TRAPPC3: variants seen among roughly 807,000 people sequenced by gnomAD.
TRAPPC3 encodes the protein trafficking protein particle complex 3.
A neutral mutation model predicts 18.2 loss-of-function variants in TRAPPC3; 5 were observed. The ratio of observed to expected loss-of-function variants is 0.28; its 90% confidence interval spans 0.14 to 0.58. The LOEUF (loss-of-function observed/expected upper bound fraction) is 0.58. TRAPPC3 is among the 20% of genes least tolerant of loss of function. TRAPPC3 has a pLI of 0.91. For missense variants in TRAPPC3, 176 were observed against 225.9 expected, an observed-to-expected ratio of 0.78 and a Z score of 1.41; for synonymous variants, 65 against 84.2, an observed-to-expected ratio of 0.77 and a Z score of 1.25.
At chr1:36,155,410 C>T (rs1644309539) in intron 1 of TRAPPC3, among the ~76,000 whole-genome samples, 1 of 152,158 alleles carries the variant, frequency 6.6e-6, no homozygotes, top group African/African-American at 2.4e-5. Flanking sequence ...CATCGACAGA[C>T]CACTGGGAGA....
chr1:36,144,316 G>A (rs1382711968), intron 1 of TRAPPC3, among the ~76,000 whole-genome samples: 3 of 140,002 alleles, frequency 2.1e-5, no homozygotes, highest in Non-Finnish European at 4.6e-5. Flanking sequence ...AAAAGGGAGG[G>A]CAAGTCATAA....
At chr1:36,155,417 G>A (rs1437704629) in intron 1 of TRAPPC3, among the ~76,000 whole-genome samples, 1 of 152,134 alleles carries the variant, frequency 6.6e-6, no homozygotes, top group Non-Finnish European at 1.5e-5. Context: ...AGACCACTGG[G>A]AGAAAATCCT....
intron 4 of TRAPPC3, 83 bp downstream of exon 4, chr1:36,137,713 C>A: frequency 1.4e-6 from 2 of 1,443,878 alleles, no homozygotes; most frequent in Non-Finnish European, 1.9e-6. Context: ...AAAGCCCTTT[C>A]TTTTCTCTCT....
chr1:36,149,621 G>A, upstream of TRAPPC3: 5 of 586,606 alleles, frequency 8.5e-6, no homozygotes, highest in East Asian at 8.6e-5. Flanking sequence ...TCTTAACACA[G>A]TCAACTACAA....
chr1:36,145,164 G>C (rs958030115), intron 1 of TRAPPC3, among the ~76,000 whole-genome samples: 4 of 151,938 alleles, frequency 2.6e-5, no homozygotes, highest in Non-Finnish European at 5.9e-5. Flanking sequence ...TGGGACTACA[G>C]GCGCCCGCCA....
At chr1:36,146,017 A>T (rs1441950786) in intron 1 of TRAPPC3, among the ~76,000 whole-genome samples, 1 of 151,650 alleles carries the variant, frequency 6.6e-6, no homozygotes, top group African/African-American at 2.4e-5. Flanking sequence ...TGACCTCGTG[A>T]TCCACCCGCC....
At chr1:36,137,373 G>C in intron 4 of TRAPPC3, 51 bp from the exon 5 acceptor site, 1 of 1,582,206 alleles carries the variant, frequency 6.3e-7, no homozygotes, top group South Asian at 1.1e-5. Flanking sequence ...ACAGCCTCTA[G>C]GGAACCAGTG....
At chr1:36,139,539 T>C (rs1644076059) in intron 3 of TRAPPC3, 181 bp downstream of exon 3, 5 of 755,514 alleles carry the variant, frequency 6.6e-6, no homozygotes, top group African/African-American at 5.3e-5. Context: ...GGGGCTTTAA[T>C]CCACAGGGAT....
upstream of TRAPPC3, among the ~76,000 whole-genome samples, chr1:36,149,783 T>G (rs1000417468): frequency 6.6e-6 from 1 of 151,934 alleles, no homozygotes; most frequent in Non-Finnish European, 1.5e-5. Context: ...GGCTCAGAGA[T>G]GATGCTCCAC....
chr1:36,148,249 C>T (rs910716151), intron 1 of TRAPPC3, among the ~76,000 whole-genome samples: 1 of 152,146 alleles, frequency 6.6e-6, no homozygotes, highest in African/African-American at 2.4e-5. Flanking sequence ...CACTTAAGGC[C>T]ACGAGTTCGA....
chr1:36,151,828 C>G (rs1644273358), upstream of TRAPPC3, among the ~76,000 whole-genome samples: 1 of 152,194 alleles, frequency 6.6e-6, no homozygotes, highest in South Asian at 2.1e-4. Context: ...GACAAAGACT[C>G]TCTCCTGGGA....
intron 1 of TRAPPC3, chr1:36,148,993 GGCTAC>G (rs1644240496): frequency 9.5e-7 from 1 of 1,053,662 alleles, no homozygotes; most frequent in Non-Finnish European, 1.2e-6. Flanking sequence ...ATCTGATAGG[GGCTAC>G]TCTGCAGATT....
At chr1:36,145,098 T>C (rs1048526631) in intron 1 of TRAPPC3, among the ~76,000 whole-genome samples, 2 of 152,110 alleles carry the variant, frequency 1.3e-5, no homozygotes, top group African/African-American at 4.8e-5. Context: ...CTTGGCTCAC[T>C]GCAAGCTCTG....
At position 36,137,777 on chromosome 1, in the gene TRAPPC3, G is replaced by C; in HGVS notation, c.423+19C>G. On this transcript the variant is annotated intron_variant, in intron 4 of 4. Coordinates refer to ENST00000373166, the MANE Select transcript of TRAPPC3 (RefSeq NM_014408.5). ...CTATTGCATTTCGGGTGTCCCAGAA[G>C]ATAAAGAGTTGCACTCACCATCTCC... The C allele has an allele frequency of 6.2e-7, 1 of 1,607,464 alleles. No homozygotes were observed. Among genetic ancestry groups the C allele is most frequent in the African/African-American group, 1.3e-5 (1 of 74,664 alleles).
intron 1 of TRAPPC3, chr1:36,149,007 T>A: frequency 8.5e-7 from 1 of 1,170,184 alleles, no homozygotes; most frequent in Non-Finnish European, 1.1e-6. Flanking sequence ...ACTCTGCAGA[T>A]TAACTGAGAT....
In TRAPPC3 at chr1:36,137,026, T is replaced by C; in HGVS notation, c.*177A>G. On this transcript the variant is annotated 3_prime_UTR_variant, in exon 5 of 5. Coordinates refer to ENST00000373166, the MANE Select transcript of TRAPPC3 (RefSeq NM_014408.5). Reference sequence around the variant, plus strand: ...ACTGTCGCTCCTGAATGTGCACACATGGGGTAAATGGACTATATCGCAGTC... The same window carrying C: ...ACTGTCGCTCCTGAATGTGCACACACGGGGTAAATGGACTATATCGCAGTC... The C allele has an allele frequency of 8.0e-6, 5 of 628,322 alleles. No homozygotes were observed. The highest frequency in any genetic ancestry group is 2.6e-6 in the Non-Finnish European group (1 of 385,634). The allele number at this position is 628,322 out of a possible 1,614,324, so 38.9% of individuals were successfully genotyped here. A position where few individuals can be genotyped will look rare whatever the true frequency, so the allele number is the denominator to read the frequency against.
chr1:36,142,085 C>G (rs1644125761), intron 1 of TRAPPC3, among the ~76,000 whole-genome samples: 1 of 151,772 alleles, frequency 6.6e-6, no homozygotes, highest in Admixed American at 6.6e-5. Flanking sequence ...CACTCTTCCC[C>G]ACAACTGTAG....
intron 1 of TRAPPC3, among the ~76,000 whole-genome samples, chr1:36,146,523 A>T (rs970295177): frequency 6.8e-6 from 1 of 146,962 alleles, no homozygotes; most frequent in African/African-American, 2.5e-5. Context: ...TGACCTCGTG[A>T]TCTGCCCGCC....
upstream of TRAPPC3, among the ~76,000 whole-genome samples, chr1:36,153,889 C>T (rs1024541500): frequency 3.3e-5 from 5 of 152,234 alleles, 1 homozygote; most frequent in African/African-American, 1.2e-4. Flanking sequence ...TTCAACAGCT[C>T]CCCATGCTTG....
Sources: gnomAD v4.1 joint callset for allele counts (sites outside exome capture counted in the v4.1 genomes callset) on GRCh38, gnomAD v4.1.1 for gene constraint, MANE v1.5 for transcripts, NCBI Gene and HGNC (gene_info 2026-07-23, HGNC 2026-07-21) for gene names.